Variants in ABLIM3 observed in about 807,000 individuals in gnomAD.
ABLIM3 encodes actin-binding LIM protein 3.
In ABLIM3, 61 loss-of-function variants were observed where a neutral mutation model predicts 109.5. The ratio of observed to expected loss-of-function variants is 0.56; its 90% CI spans 0.45 to 0.69. The LOEUF is 0.69. ABLIM3 is among the 30% of genes least tolerant of loss of function. ABLIM3 has a pLI of 0.00. For synonymous variants in ABLIM3, 300 were observed against 324.8 expected (o/e 0.92, Z 0.82); for missense variants, 796 against 889.5 (o/e 0.89, Z 1.34).
chr5:149,216,604 T>G, intron 7 of ABLIM3: 1 of 229,538 alleles, frequency 4.4e-6, no homozygotes. Flanking sequence ...ACATTAGTGG[T>G]AAGGGCCTCT....
intron 6 of ABLIM3, among the ~76,000 whole-genome samples, chr5:149,207,855 C>A (rs1759153020): frequency 6.6e-6 from 1 of 152,250 alleles, no homozygotes. Flanking sequence ...CAGTGACCCA[C>A]ACACTGCAGT....
At chr5:149,210,638 A>G in intron 6 of ABLIM3, 88 bp from the exon 7 acceptor site, 1 of 1,118,566 alleles carries the variant, frequency 8.9e-7, no homozygotes, top group Non-Finnish European at 1.4e-6. Flanking sequence ...CTCAGTCAAC[A>G]TAGGCTGCAG....
chr5:149,201,580 A>G (rs1357931898), intron 5 of ABLIM3, among the ~76,000 whole-genome samples: 2 of 152,142 alleles, frequency 1.3e-5, no homozygotes, highest in African/African-American at 4.8e-5. Flanking sequence ...CTTTCAGCCA[A>G]ATCAGATCTG....
chr5:149,171,921 ACTATT>A (rs768533476), intron 2 of ABLIM3, among the ~76,000 whole-genome samples: 1 of 61,830 alleles, frequency 1.6e-5, no homozygotes, highest in Admixed American at 1.4e-4. Context: ...TCTATTGTCC[ACTATT>A]CTATTCTATT....
chr5:149,209,163 G>T (rs1385714061), intron 6 of ABLIM3, among the ~76,000 whole-genome samples: 2 of 152,130 alleles, frequency 1.3e-5, no homozygotes, highest in South Asian at 4.1e-4. Flanking sequence ...TTAGTACATT[G>T]CCAGCCAGGA....
At chr5:149,176,313 C>T (rs995114705) in intron 2 of ABLIM3, among the ~76,000 whole-genome samples, 1 of 152,180 alleles carries the variant, frequency 6.6e-6, no homozygotes, top group Non-Finnish European at 1.5e-5. Flanking sequence ...ATTCTAGTCA[C>T]CTCCAATCAT....
chr5:149,240,713 G>A lies in ABLIM3; in HGVS notation c.1242G>A (p.Gln414=), dbSNP rs201015850. Residue 414 remains glutamine, a synonymous_variant, in exon 14 of 24, where the codon CAG becomes CAA. Coordinates refer to ENST00000309868, the MANE Select transcript of ABLIM3 (RefSeq NM_014945.5). ...GCCGGAGCTCTCCATACCATAGCCA[G>A]TTAGATGTGAGGTCCTCCACTCCAA... The part of the protein sequence containing the change: ...ESGRSSPYHS[Q]LDVRSSTPTS... The A allele has an allele frequency of 2.2e-5, 36 of 1,614,152 alleles. No individual in the cohort carries two copies. Among genetic ancestry groups the A allele is most frequent in the South Asian group, 1.6e-4 (15 of 91,088 alleles).
chr5:149,232,856 CT>C (rs1761992168), intron 9 of ABLIM3, among the ~76,000 whole-genome samples: 1 of 152,140 alleles, frequency 6.6e-6, no homozygotes, highest in Non-Finnish European at 1.5e-5. Flanking sequence ...ATTTAACCCA[CT>C]TTTACATTTT....
intron 10 of ABLIM3, among the ~76,000 whole-genome samples, chr5:149,234,365 A>C (rs1036322131): frequency 6.6e-6 from 1 of 152,178 alleles, no homozygotes; most frequent in Non-Finnish European, 1.5e-5. Context: ...AAGACCAGAA[A>C]TGTGGGGAAA....
intron 2 of ABLIM3, among the ~76,000 whole-genome samples, chr5:149,160,834 C>T (rs1426727244): frequency 6.6e-6 from 1 of 152,244 alleles, no homozygotes; most frequent in African/African-American, 2.4e-5. Context: ...GAAGTACACA[C>T]AGGCTAACTG....
intron 6 of ABLIM3, among the ~76,000 whole-genome samples, chr5:149,208,168 C>T (rs960010824): frequency 6.6e-6 from 1 of 152,214 alleles, no homozygotes; most frequent in African/African-American, 2.4e-5. Flanking sequence ...TTCTTTAAGA[C>T]CTTTTTGATC....
Position 149,198,190 on chromosome 5 carries a change from T to C in ABLIM3, c.152-29T>C, listed in dbSNP as rs780973202. 1.3e-6 allele frequency: 2 copies of C among 1,595,752 alleles called. No individual in the cohort carries two copies. The highest frequency in any genetic ancestry group is 2.7e-5 in the African/African-American group (2 of 74,502). ...TTACAGACCCTCCCTGGACTCAACC[T>C]GCCCTTGTTTTCCTCCTTGTTCCCC... On this transcript the variant is annotated intron_variant, in intron 3 of 23. Transcript: ENST00000309868. The surrounding 1 kb of genome is among the most constrained non-coding windows in gnomAD (Gnocchi z 4.2).
intron 2 of ABLIM3, among the ~76,000 whole-genome samples, chr5:149,145,342 A>G (rs1390672024): frequency 6.6e-6 from 1 of 152,212 alleles, no homozygotes; most frequent in Non-Finnish European, 1.5e-5. Flanking sequence ...TTATGGATGC[A>G]TAGTATTCCA....
intron 2 of ABLIM3, among the ~76,000 whole-genome samples, chr5:149,167,584 GT>G (rs1754943380): frequency 6.6e-6 from 1 of 152,058 alleles, no homozygotes; most frequent in African/African-American, 2.4e-5. Flanking sequence ...TAATCATTGT[GT>G]TTTTTAATTG....
intron 2 of ABLIM3, among the ~76,000 whole-genome samples, chr5:149,155,733 G>A (rs1753817877): frequency 6.6e-6 from 1 of 152,196 alleles, no homozygotes; most frequent in South Asian, 2.1e-4. Context: ...TAAAAAGACA[G>A]AAAGCCCTCA....
At chr5:149,184,774 G>A (rs933912346) in intron 3 of ABLIM3, among the ~76,000 whole-genome samples, 1 of 152,140 alleles carries the variant, frequency 6.6e-6, no homozygotes, top group Non-Finnish European at 1.5e-5. Context: ...AACTGCCTCA[G>A]TCTCATGCAC....
At chr5:149,200,602 C>T in intron 5 of ABLIM3, 174 bp downstream of exon 5, 4 of 637,992 alleles carry the variant, frequency 6.3e-6, no homozygotes, top group South Asian at 1.9e-5. Flanking sequence ...ACAAGCTTCA[C>T]AAGCACAATG....
At chr5:149,144,346 G>A (rs1365324131) in intron 2 of ABLIM3, among the ~76,000 whole-genome samples, 1 of 152,144 alleles carries the variant, frequency 6.6e-6, no homozygotes, top group Non-Finnish European at 1.5e-5. Flanking sequence ...CCAAACCCAC[G>A]AGTCTGCAAA....
intron 2 of ABLIM3, among the ~76,000 whole-genome samples, chr5:149,166,033 C>T (rs1754787919): frequency 1.3e-5 from 2 of 152,196 alleles, no homozygotes; most frequent in Non-Finnish European, 2.9e-5. Flanking sequence ...AGAAAATGAT[C>T]CATAAATGTG....
Sources: allele counts gnomAD v4.1 joint callset (sites outside exome capture counted in the v4.1 genomes callset), GRCh38; gene constraint gnomAD v4.1.1; non-coding constraint Gnocchi (gnomAD v3.1); transcripts MANE v1.5; gene names NCBI Gene and HGNC (gene_info 2026-07-23, HGNC 2026-07-21).